The following PALLD variants were observed in gnomAD, a reference collection of about 807,000 sequenced individuals.
The protein encoded by PALLD is palladin.
Under a neutral mutation model 123.5 loss-of-function variants are expected in PALLD, and 61 were observed. The observed-to-expected ratio is 0.49, with a 90% CI of 0.40 to 0.61. The LOEUF (loss-of-function observed/expected upper bound fraction) is 0.61, where lower values mean the gene tolerates loss of function less well. Ranked by LOEUF, PALLD falls within the 20% of genes least tolerant of loss-of-function variation. The probability of loss-of-function intolerance (pLI) is 0.00; values close to 1 mark genes in which losing one functional copy is unlikely to be tolerated. For missense variants in PALLD, 1,273 were observed against 1,377.0 expected (o/e 0.92, Z 1.20); for synonymous variants, 465 against 496.4 (o/e 0.94, Z 0.84).
intron 2 of PALLD, among the ~76,000 whole-genome samples, chr4:168,532,742 G>A (rs1764723696): frequency 6.6e-6 from 1 of 152,168 alleles, no homozygotes; most frequent in Non-Finnish European, 1.5e-5. Flanking sequence ...ATAGAGACTT[G>A]AGGGAGATTC....
intron 2 of PALLD, among the ~76,000 whole-genome samples, chr4:168,660,938 T>C (rs1779073150): frequency 6.6e-6 from 1 of 151,748 alleles, no homozygotes; most frequent in South Asian, 2.1e-4. Flanking sequence ...AGAGTCTCGC[T>C]CTGTCACCCA....
intron 2 of PALLD, among the ~76,000 whole-genome samples, chr4:168,631,063 A>G (rs1191830677): frequency 1.3e-5 from 2 of 152,226 alleles, no homozygotes; most frequent in Non-Finnish European, 2.9e-5. Flanking sequence ...GACTTGTTCA[A>G]CATAAAAAAG....
chr4:168,638,831 G>T lies in PALLD; in HGVS notation c.909-29359G>T, dbSNP rs532012237. Among the ~76,000 whole-genome samples the T allele has an allele frequency of 1.9e-3, 285 of 151,694 alleles. 2 individuals are homozygous for T. The highest frequency in any genetic ancestry group is 6.5e-3 in the African/African-American group (267 of 41,318). On this transcript the variant is annotated intron_variant, in intron 2 of 21. Coordinates refer to ENST00000505667, the MANE Select transcript of PALLD (RefSeq NM_001166108.2). ...ATACCATATGAATTTGGGAGGGGGG[G>T]CGGGCCATAAACATCCAGACCATAG...
At chr4:168,648,578 G>A (rs2723704) in intron 2 of PALLD, 2 of 152,018 alleles carry the variant, frequency 1.3e-5, no homozygotes, top group Non-Finnish European at 1.5e-5. Context: ...GATGCATTGC[G>A]CATTATTAGA....
In PALLD at chr4:168,926,496, A is replaced by T. The variant is rs200629800; in HGVS notation, c.*316A>T. 4.3e-4 allele frequency: 5 copies of T among 11,716 alleles called. No homozygotes were observed. The highest frequency in any genetic ancestry group is 3.1e-3 in the South Asian group (3 of 968). The allele number at this position is 11,716 out of a possible 1,614,324, so 0.7% of individuals were successfully genotyped here. A position where few individuals can be genotyped will look rare whatever the true frequency, so the allele number is the denominator to read the frequency against. On this transcript the variant is annotated 3_prime_UTR_variant, in exon 22 of 22. Coordinates refer to ENST00000505667, the MANE Select transcript of PALLD (RefSeq NM_001166108.2). Reference sequence around the variant, plus strand: ...AACATACCTTTGACTATAAGAAATTAAAAAAAAAACACCAAAATAATATTT... The same window carrying T: ...AACATACCTTTGACTATAAGAAATTTAAAAAAAAACACCAAAATAATATTT...
rs1224112047 is a variant in PALLD, at chr4:168,668,339, A to G, written c.1058A>G (p.Asp353Gly). The G allele has an allele frequency of 1.9e-6, 3 of 1,612,032 alleles. No homozygotes were observed. The highest frequency in any genetic ancestry group is 2.5e-6 in the Non-Finnish European group (3 of 1,178,708). The change falls in exon 3 of 22, where the codon GAC becomes GGC. Residue 353 changes from aspartate (D) to glycine (G), a missense_variant. By Grantham distance (94) the Asp-to-Gly change is moderately conservative. Transcript: ENST00000505667. The part of the protein sequence containing the change: ...TCLATNPSGS[D>G]TTSAEVFIEG... ...TTGGCTACGAATCCCAGCGGCTCAGACACAACATCTGCTGAGGTGTTCATT... is the reference window on the plus strand; with the variant it reads ...TTGGCTACGAATCCCAGCGGCTCAGGCACAACATCTGCTGAGGTGTTCATT...
At chr4:168,621,421 A>G (rs886206129) in intron 2 of PALLD, among the ~76,000 whole-genome samples, 2 of 152,084 alleles carry the variant, frequency 1.3e-5, no homozygotes, top group Non-Finnish European at 2.9e-5. Flanking sequence ...GATCTATGGA[A>G]CTCCCGCTGG....
chr4:168,763,962 G>A (rs1027643665), intron 10 of PALLD, among the ~76,000 whole-genome samples: 3 of 152,048 alleles, frequency 2.0e-5, no homozygotes, highest in African/African-American at 4.8e-5. Flanking sequence ...CGTTATTCAT[G>A]CCTCTGTTTA....
At chr4:168,584,000 G>C (rs1358155943) in intron 2 of PALLD, among the ~76,000 whole-genome samples, 1 of 152,088 alleles carries the variant, frequency 6.6e-6, no homozygotes, top group African/African-American at 2.4e-5. Context: ...TCTGAAATAA[G>C]GAGCATGAAA....
chr4:168,785,451 C>T (rs1736577856), intron 10 of PALLD, among the ~76,000 whole-genome samples: 1 of 152,136 alleles, frequency 6.6e-6, no homozygotes, highest in Non-Finnish European at 1.5e-5. Flanking sequence ...ATTCATTTTT[C>T]ATGCTGATGA....
At chr4:168,758,683 A>G in intron 10 of PALLD, among the ~76,000 whole-genome samples, 1 of 152,174 alleles carries the variant, frequency 6.6e-6, no homozygotes, top group Admixed American at 6.5e-5. Context: ...AGAGAAAAAA[A>G]AATATTATGT....
chr4:168,898,402 TG>T, intron 13 of PALLD, 90 bp from the exon 14 acceptor site: 1 of 810,702 alleles, frequency 1.2e-6, no homozygotes, highest in East Asian at 2.6e-5. Flanking sequence ...AAAATATCAC[TG>T]TCTTCTAGGG....
intron 10 of PALLD, among the ~76,000 whole-genome samples, chr4:168,868,171 C>T (rs1750585909): frequency 1.3e-5 from 2 of 152,122 alleles, no homozygotes; most frequent in African/African-American, 4.8e-5. Context: ...CTTGGCCTGG[C>T]CTGACCTGGA....
At chr4:168,611,513 C>T (rs541435519) in intron 2 of PALLD, among the ~76,000 whole-genome samples, 2 of 152,284 alleles carry the variant, frequency 1.3e-5, no homozygotes, top group Admixed American at 1.3e-4. Context: ...ACAAAAACAC[C>T]TAAACCTACA....
intron 2 of PALLD, among the ~76,000 whole-genome samples, chr4:168,589,137 T>C: frequency 6.6e-6 from 1 of 152,220 alleles, no homozygotes; most frequent in Admixed American, 6.5e-5. Context: ...GTGTCGTTTC[T>C]AAAGTGCTTT....
At chr4:168,670,184 C>T (rs1407281018) in intron 3 of PALLD, among the ~76,000 whole-genome samples, 1 of 152,168 alleles carries the variant, frequency 6.6e-6, no homozygotes, top group African/African-American at 2.4e-5. Context: ...TCAGATAGAG[C>T]ACTTTTAAAT....
intron 10 of PALLD, among the ~76,000 whole-genome samples, chr4:168,724,579 G>C (rs1786358869): frequency 6.6e-6 from 1 of 152,192 alleles, no homozygotes; most frequent in South Asian, 2.1e-4. Context: ...GAATTAGATA[G>C]TATGTCATTT....
Position 168,898,513 on chromosome 4 carries a change from T to C in PALLD, c.2271T>C (p.Cys757=). 1 of 1,612,402 alleles carries C rather than the reference T, an allele frequency of 6.2e-7. No individual in the cohort carries two copies. Residue 757 remains cysteine, a synonymous_variant, in exon 14 of 22, where the codon TGT becomes TGC. Transcript: ENST00000505667. The part of the protein sequence containing the change: ...DGQKEYKVSS[C]EQRLISEIEY... ...TTCAGGAATACAAAGTCTCCAGCTG[T>C]GAACAGAGACTCATCAGTGAAATAG...
intron 2 of PALLD, among the ~76,000 whole-genome samples, chr4:168,540,591 T>TA (rs546560796): frequency 6.6e-6 from 1 of 152,184 alleles, no homozygotes; most frequent in Non-Finnish European, 1.5e-5. Context: ...CGCATTTTTT[T>TA]AAAAAAAGAG....
Sources: gnomAD v4.1 joint callset for allele counts (sites outside exome capture counted in the v4.1 genomes callset) on GRCh38, gnomAD v4.1.1 for gene constraint, MANE v1.5 for transcripts, NCBI Gene and HGNC (gene_info 2026-07-23, HGNC 2026-07-21) for gene names.